XRN2: variants seen among roughly 807,000 people sequenced by gnomAD.
XRN2 encodes DHM1-like protein.
A neutral mutation model predicts 138.5 loss-of-function variants in XRN2; 44 were observed. The ratio of observed to expected loss-of-function variants is 0.32; its 90% CI spans 0.25 to 0.41. XRN2 has a LOEUF of 0.41. Ranked by LOEUF, XRN2 falls within the 10% of genes least tolerant of loss-of-function variation. The probability of loss-of-function intolerance (pLI) is 1.00; values close to 1 mark genes in which losing one functional copy is unlikely to be tolerated. For synonymous variants in XRN2, 354 were observed against 369.4 expected (o/e 0.96, Z 0.48); for missense variants, 937 against 1,169.3 (o/e 0.80, Z 2.90).
chr20:21,352,487 C>G (rs1397691605), intron 20 of XRN2, among the ~76,000 whole-genome samples: 2 of 152,018 alleles, frequency 1.3e-5, no homozygotes, highest in African/African-American at 4.8e-5. Context: ...TGCCACCACA[C>G]CTGCCTAATT....
In XRN2 at chr20:21,329,123, C is replaced by T. The variant is rs2296729; in HGVS notation, c.427+453C>T. On this transcript the variant is annotated intron_variant, in intron 4 of 29. Coordinates refer to ENST00000377191, the MANE Select transcript of XRN2 (RefSeq NM_012255.5). The stretch of plus-strand genomic sequence containing the variant: ...CTGAGGAAGCCGGAGGTGATTCGAT[C>T]CACATTTACAGGCTGTTGCCAAGTC... 6.3e-3 allele frequency among the ~76,000 whole-genome samples: 963 copies of T among 152,264 alleles called. 14 individuals are homozygous for T. The highest frequency in any genetic ancestry group is 0.047 in the East Asian group (242 of 5,184).
intron 24 of XRN2, among the ~76,000 whole-genome samples, chr20:21,360,372 T>G (rs948496841): frequency 1.3e-5 from 2 of 152,168 alleles, no homozygotes; most frequent in African/African-American, 4.8e-5. Flanking sequence ...CCCCATAGCC[T>G]GCCGTTTATT....
intron 1 of XRN2, among the ~76,000 whole-genome samples, chr20:21,320,815 C>T (rs147162603): frequency 0.027 from 4,051 of 152,126 alleles, 69 homozygotes; most frequent in Non-Finnish European, 0.041. Context: ...AGGCTGATCT[C>T]GAACTCCTAA....
intron 29 of XRN2, 38 bp downstream of exon 29, chr20:21,387,044 T>C: frequency 6.3e-7 from 1 of 1,574,860 alleles, no homozygotes; most frequent in Non-Finnish European, 8.7e-7. Context: ...CTGCTCACTT[T>C]ATATTTCAAC....
Position 21,386,751 on chromosome 20 carries a change from A to G in XRN2, c.2649-117A>G, listed in dbSNP as rs368960399. 528 of 1,306,998 alleles carry G rather than the reference A, an allele frequency of 4.0e-4. 6 individuals carry two copies. In the South Asian group the frequency reaches 6.6e-3, roughly 16 times the overall value. 81.0% of individuals were successfully genotyped at this position (1,306,998 alleles called of 1,614,324 possible). On this transcript the variant is annotated intron_variant, in intron 28 of 29. Coordinates refer to ENST00000377191, the MANE Select transcript of XRN2 (RefSeq NM_012255.5). ...GCCATTCTGATACTCTGTATCCCATATGATAAATCCAGGTAAATTGGATTG... is the reference window on the plus strand; with the variant it reads ...GCCATTCTGATACTCTGTATCCCATGTGATAAATCCAGGTAAATTGGATTG...
At chr20:21,325,957 A>G (rs1222879933) in intron 1 of XRN2, among the ~76,000 whole-genome samples, 2 of 152,154 alleles carry the variant, frequency 1.3e-5, no homozygotes, top group African/African-American at 4.8e-5. Flanking sequence ...TTACTTTGAC[A>G]GGACTTACTG....
chr20:21,365,868 A>G (rs1195213313), intron 26 of XRN2, among the ~76,000 whole-genome samples, 164 bp downstream of exon 26: 1 of 128,268 alleles, frequency 7.8e-6, no homozygotes, highest in Non-Finnish European at 1.6e-5. Flanking sequence ...ATAATATATA[A>G]TTATATATAA....
chr20:21,348,023 C>A, intron 17 of XRN2, 123 bp from the exon 18 acceptor site: 1 of 780,396 alleles, frequency 1.3e-6, no homozygotes, highest in Non-Finnish European at 1.9e-6. Context: ...GGAATATATG[C>A]CAGAAGTCAT....
chr20:21,314,715 CCCAA>C (rs1323161266), intron 1 of XRN2, among the ~76,000 whole-genome samples: 2 of 151,950 alleles, frequency 1.3e-5, no homozygotes, highest in African/African-American at 4.8e-5. Context: ...AACTCCTAGC[CCCAA>C]GTGATTGCAC....
chr20:21,317,484 A>G (rs918338335), intron 1 of XRN2, among the ~76,000 whole-genome samples: 8 of 152,252 alleles, frequency 5.3e-5, no homozygotes, highest in Admixed American at 5.2e-4. Flanking sequence ...ATATTTTAAT[A>G]TATTGCTGGC....
At chr20:21,381,543 G>A (rs1163149764) in intron 27 of XRN2, among the ~76,000 whole-genome samples, 1 of 152,124 alleles carries the variant, frequency 6.6e-6, no homozygotes, top group East Asian at 1.9e-4. Flanking sequence ...GTTAATGAAA[G>A]CAATTTATGC....
In XRN2 at chr20:21,389,362, C is replaced by A; in HGVS notation, c.*24C>A. 2 of 1,600,794 alleles carry A rather than the reference C, an allele frequency of 1.2e-6. No individual in the cohort carries two copies. Among genetic ancestry groups the A allele is most frequent in the Non-Finnish European group, 1.7e-6 (2 of 1,173,152 alleles). ...AAGCTTTTGTAAAGCTTTCCCAAAT[C>A]CTTTCATCATTCTACAGTTTTATGC... On this transcript the variant is annotated 3_prime_UTR_variant, in exon 30 of 30. Coordinates refer to ENST00000377191, the MANE Select transcript of XRN2 (RefSeq NM_012255.5).
intron 27 of XRN2, among the ~76,000 whole-genome samples, chr20:21,376,412 T>G (rs1328527160): frequency 1.3e-5 from 2 of 152,218 alleles, no homozygotes. Flanking sequence ...GTCTTTGTTT[T>G]AAGATATGAT....
At chr20:21,312,341 G>A (rs2122165454) in intron 1 of XRN2, among the ~76,000 whole-genome samples, 1 of 152,126 alleles carries the variant, frequency 6.6e-6, no homozygotes, top group African/African-American at 2.4e-5. Context: ...AGCCAGGATG[G>A]TCTCTATCTC....
intron 8 of XRN2, 81 bp downstream of exon 8, chr20:21,331,899 C>T (rs1431061303): frequency 5.4e-6 from 8 of 1,483,364 alleles, no homozygotes; most frequent in Non-Finnish European, 6.5e-6. Flanking sequence ...ATGGATTATT[C>T]ATGGTTACCT....
At chr20:21,310,538 T>G (rs2037865730) in intron 1 of XRN2, among the ~76,000 whole-genome samples, 1 of 152,200 alleles carries the variant, frequency 6.6e-6, no homozygotes, top group African/African-American at 2.4e-5. Context: ...ATACACTTAT[T>G]ATGAAATGAC....
intron 27 of XRN2, among the ~76,000 whole-genome samples, chr20:21,369,293 A>C (rs982642139): frequency 7.9e-5 from 12 of 152,186 alleles, no homozygotes; most frequent in Admixed American, 6.5e-4. Context: ...TATGTACCAC[A>C]TTTTATTTAT....
chr20:21,322,620 A>C (rs1290449147), intron 1 of XRN2, among the ~76,000 whole-genome samples: 1 of 152,204 alleles, frequency 6.6e-6, no homozygotes, highest in Non-Finnish European at 1.5e-5. Flanking sequence ...TCTCCTCATA[A>C]GGTTGACTGG....
intron 13 of XRN2, among the ~76,000 whole-genome samples, chr20:21,334,567 T>G (rs901958306): frequency 2.6e-5 from 4 of 151,736 alleles, no homozygotes; most frequent in Admixed American, 2.6e-4. Context: ...ATGTAGGGAG[T>G]GTGGGTTGGA....
Sources: allele counts gnomAD v4.1 joint callset (sites outside exome capture counted in the v4.1 genomes callset), GRCh38; gene constraint gnomAD v4.1.1; transcripts MANE v1.5; gene names NCBI Gene and HGNC (gene_info 2026-07-23, HGNC 2026-07-21).